The following MCPH1 variants were observed in gnomAD, a reference collection of about 807,000 sequenced individuals.
MCPH1 encodes the protein microcephalin 1, also known as microcephalin.
In MCPH1, 104 loss-of-function variants were observed where a neutral mutation model predicts 84.5. The observed-to-expected ratio is 1.23, with a 90% confidence interval of 1.05 to 1.45. The LOEUF (loss-of-function observed/expected upper bound fraction) is 1.45. Ranked by LOEUF, MCPH1 falls within the 40% of genes most tolerant of loss-of-function variation. The pLI, the probability that MCPH1 is intolerant of heterozygous loss-of-function variation, is 0.00. For missense variants in MCPH1, 1,498 were observed against 1,005.7 expected, an observed-to-expected ratio of 1.49 and a Z score of -6.62; for synonymous variants, 514 against 366.8, an observed-to-expected ratio of 1.40 and a Z score of -4.58.
rs529101459 is a variant in MCPH1, at chr8:6,513,533, C to G, written c.2214+13604C>G. On this transcript the variant is annotated intron_variant, in intron 12 of 13. Coordinates refer to ENST00000344683, the MANE Select transcript of MCPH1 (RefSeq NM_024596.5). ...TACTTCTAGTAGAGACAGGGTTTCACTTTGTTTGCCAGGATGGTCTCAATC... is the reference window on the plus strand; with the variant it reads ...TACTTCTAGTAGAGACAGGGTTTCAGTTTGTTTGCCAGGATGGTCTCAATC... 801 of 556,042 alleles carry G rather than the reference C, an allele frequency of 1.4e-3. 2 individuals are homozygous for G. The highest frequency in any genetic ancestry group is 1.9e-3 in the Non-Finnish European group (644 of 346,778). The allele number at this position is 556,042 out of a possible 1,614,324, so 34.4% of individuals were successfully genotyped here.
intron 12 of MCPH1, chr8:6,502,121 A>C (rs941317363): frequency 6.6e-6 from 1 of 152,192 alleles, no homozygotes; most frequent in African/African-American, 2.4e-5. Context: ...GAAAGAAAAC[A>C]GACCTCTGTT....
At chr8:6,541,127 C>T (rs1312353061) in intron 12 of MCPH1, among the ~76,000 whole-genome samples, 1 of 152,222 alleles carries the variant, frequency 6.6e-6, no homozygotes, top group African/African-American at 2.4e-5. Flanking sequence ...CAAGGCCTGT[C>T]TCTGAGATGT....
intron 2 of MCPH1, among the ~76,000 whole-genome samples, chr8:6,410,646 C>T (rs1798411112): frequency 6.6e-6 from 1 of 152,082 alleles, no homozygotes; most frequent in African/African-American, 2.4e-5. Flanking sequence ...ACGGGTTTTA[C>T]AAAAGGGAAA....
chr8:6,578,310 T>G, intron 12 of MCPH1, among the ~76,000 whole-genome samples: 1 of 152,204 alleles, frequency 6.6e-6, no homozygotes, highest in African/African-American at 2.4e-5. Flanking sequence ...AAACAGCATT[T>G]TCGTTGGCAA....
At position 6,499,908 on chromosome 8, in the gene MCPH1, T is replaced by C; in HGVS notation, c.2193T>C (p.Ser731=). 2 of 1,613,760 alleles carry C rather than the reference T, an allele frequency of 1.2e-6. No individual in the cohort carries two copies. The highest frequency in any genetic ancestry group is 1.7e-6 in the Non-Finnish European group (2 of 1,179,968). The change falls in exon 12 of 14, where the codon TCT becomes TCC. Residue 731 remains serine (S), a synonymous_variant. Transcript: ENST00000344683. ...HWISEEPFEL[S]HHFPAAPLCR... Reference sequence around the variant, plus strand: ...TTTCTGAGGAGCCGTTCGAACTGTCTCACCACTTCCCTGCAGCTCCCGTAA... The same window carrying C: ...TTTCTGAGGAGCCGTTCGAACTGTCCCACCACTTCCCTGCAGCTCCCGTAA...
chr8:6,550,160 A>T (rs998068542), intron 12 of MCPH1, among the ~76,000 whole-genome samples: 1 of 152,232 alleles, frequency 6.6e-6, no homozygotes, highest in Non-Finnish European at 1.5e-5. Context: ...TTCCCCGCAC[A>T]ACCTGGAAAC....
chr8:6,472,946 G>C (rs545647917), intron 9 of MCPH1, among the ~76,000 whole-genome samples: 14 of 152,236 alleles, frequency 9.2e-5, no homozygotes, highest in African/African-American at 3.1e-4. Context: ...TAAACAGAGA[G>C]GTAACATGAT....
intron 13 of MCPH1, among the ~76,000 whole-genome samples, chr8:6,623,364 CTCTCT>C (rs1831682598): frequency 1.3e-5 from 2 of 152,038 alleles, no homozygotes; most frequent in Admixed American, 6.6e-5. Context: ...ATCTCTCTCT[CTCTCT>C]CCTGTTCTCT....
chr8:6,601,180 C>T (rs1280522129), intron 12 of MCPH1, among the ~76,000 whole-genome samples: 2 of 152,168 alleles, frequency 1.3e-5, no homozygotes, highest in Non-Finnish European at 2.9e-5. Flanking sequence ...TGGGCAGCTG[C>T]ACTTTCCAGA....
intron 12 of MCPH1, among the ~76,000 whole-genome samples, chr8:6,597,567 CAA>C (rs2129578045): frequency 6.6e-6 from 1 of 152,280 alleles, no homozygotes; most frequent in Non-Finnish European, 1.5e-5. Flanking sequence ...CCAGCTCGGC[CAA>C]GAGTTCTGCT....
Position 6,647,194 on chromosome 8 carries a change from A to T in MCPH1, c.*4145A>T. The T allele has an allele frequency of 6.6e-6, 1 of 152,214 alleles. No individual in the cohort carries two copies. Among genetic ancestry groups the T allele is most frequent in the Admixed American group, 6.5e-5 (1 of 15,288 alleles). The allele number at this position is 152,214 out of a possible 1,614,324, so 9.4% of individuals were successfully genotyped here. A position where few individuals can be genotyped will look rare whatever the true frequency, so the allele number is the denominator to read the frequency against. ...AAAATGCTCAATATTATTAGTCACT[A>T]GGGAAATACAAATTAAAGGCCCAAT... On this transcript the variant is annotated 3_prime_UTR_variant, in exon 14 of 14. Transcript: ENST00000344683.
intron 12 of MCPH1, chr8:6,514,707 A>T: frequency 6.2e-7 from 1 of 1,614,096 alleles, no homozygotes; most frequent in Non-Finnish European, 8.5e-7. Flanking sequence ...TCCTCTGAAA[A>T]TCAACGCTGC....
rs562666457 is a variant in MCPH1, at chr8:6,632,580, G to T, written c.2453-10414G>T. ...ATCCCAACACTTTGGAAGGCCGAGG[G>T]GGGCGGATCACAAGGTCAGGAGATC... On this transcript the variant is annotated intron_variant, in intron 13 of 13. Transcript: ENST00000344683. 1.6e-3 allele frequency among the ~76,000 whole-genome samples: 236 copies of T among 152,224 alleles called. 3 individuals carry two copies. The highest frequency in any genetic ancestry group is 0.014 in the South Asian group (66 of 4,810).
intron 3 of MCPH1, among the ~76,000 whole-genome samples, chr8:6,430,243 A>C (rs1457314701): frequency 6.6e-6 from 1 of 152,072 alleles, no homozygotes; most frequent in Non-Finnish European, 1.5e-5. Flanking sequence ...AAATTTGTAC[A>C]TTTTTGCAGA....
intron 11 of MCPH1, among the ~76,000 whole-genome samples, chr8:6,485,218 A>T (rs535633264): frequency 7.2e-5 from 11 of 152,060 alleles, no homozygotes; most frequent in Admixed American, 6.5e-4. Flanking sequence ...CCAGCTACTC[A>T]GGAGGCTGAG....
chr8:6,479,085 C>G (rs1158788651), intron 10 of MCPH1, among the ~76,000 whole-genome samples: 1 of 152,014 alleles, frequency 6.6e-6, no homozygotes, highest in African/African-American at 2.4e-5. Flanking sequence ...GGCAACATAG[C>G]AAAACCTTGT....
At chr8:6,423,714 T>A in intron 3 of MCPH1, among the ~76,000 whole-genome samples, 1 of 152,188 alleles carries the variant, frequency 6.6e-6, no homozygotes, top group Non-Finnish European at 1.5e-5. Flanking sequence ...ATCCCCAAAG[T>A]GGGCTGTTCA....
chr8:6,576,807 C>T (rs573113827), intron 12 of MCPH1, among the ~76,000 whole-genome samples: 2 of 146,966 alleles, frequency 1.4e-5, no homozygotes, highest in Admixed American at 1.4e-4. Context: ...AGGTGAGCCA[C>T]CCGCCTCGGC....
At chr8:6,460,767 C>G (rs1054937206) in intron 9 of MCPH1, among the ~76,000 whole-genome samples, 12 of 151,908 alleles carry the variant, frequency 7.9e-5, no homozygotes, top group African/African-American at 2.4e-4. Context: ...GCTAGCTGTC[C>G]CCTGGGAGTG....
Sources: gnomAD v4.1 joint callset for allele counts (sites outside exome capture counted in the v4.1 genomes callset) on GRCh38, gnomAD v4.1.1 for gene constraint, MANE v1.5 for transcripts, NCBI Gene and HGNC (gene_info 2026-07-23, HGNC 2026-07-21) for gene names.